CDC42EP4: variants seen among roughly 807,000 people sequenced by gnomAD.
The protein encoded by CDC42EP4 is CDC42 effector protein 4, also known as CDC42 effector protein (Rho GTPase binding) 4.
A neutral mutation model predicts 5.6 loss-of-function variants in CDC42EP4; 6 were observed. That is an observed-to-expected ratio of 1.07 (90% confidence interval 0.59 to 2.12). The LOEUF (loss-of-function observed/expected upper bound fraction) is 2.12. Among genes scored for constraint, CDC42EP4 ranks in the 30% most tolerant of loss-of-function variants. CDC42EP4 has a pLI of 0.00. For missense variants in CDC42EP4, 490 were observed against 508.6 expected (o/e 0.96, Z 0.35); for synonymous variants, 230 against 224.2 (o/e 1.03, Z -0.23).
At chr17:73,297,739 A>G (rs746852124) in intron 1 of CDC42EP4, among the ~76,000 whole-genome samples, 5 of 151,492 alleles carry the variant, frequency 3.3e-5, no homozygotes, top group Non-Finnish European at 7.4e-5. Flanking sequence ...GCTCACTGCA[A>G]CCTCCAACTC....
chr17:73,291,228 C>T (rs1392136783), intron 1 of CDC42EP4, among the ~76,000 whole-genome samples: 2 of 152,166 alleles, frequency 1.3e-5, no homozygotes, highest in Non-Finnish European at 2.9e-5. Flanking sequence ...AGAAAGCCAT[C>T]TTCAATAACC....
In CDC42EP4 at chr17:73,285,606, T is replaced by C. The variant is rs773760103; in HGVS notation, c.895A>G (p.Met299Val). The stretch of plus-strand genomic sequence containing the variant: ...CTGTCCCGTGTGGTGTGGCTGCCCA[T>C]GCTGCGGGCTGAGCCGGGGCTGGGG... ...AAPSPGSARS[M>V]GSHTTRDSSS... Residue 299 changes from methionine to valine, a missense_variant, in exon 2 of 2, where the codon ATG (methionine) becomes GTG (valine). Transcript: ENST00000335793. The surrounding 1 kb of genome is among the most constrained non-coding windows in gnomAD (Gnocchi z 6.8). 12 of 1,608,028 alleles carry C rather than the reference T, an allele frequency of 7.5e-6. No homozygotes were observed. The highest frequency in any genetic ancestry group is 3.3e-4 in the Middle Eastern group (2 of 6,028).
In CDC42EP4 at chr17:73,285,666, G is replaced by A. The variant is rs1295645118; in HGVS notation, c.835C>T (p.His279Tyr). The change falls in exon 2 of 2, where the codon CAT becomes TAT. Residue 279 changes from histidine (H) to tyrosine (Y), a missense_variant. His to Tyr is a moderately conservative substitution (Grantham distance 83, BLOSUM62 2). Coordinates refer to ENST00000335793, the MANE Select transcript of CDC42EP4 (RefSeq NM_012121.5). This position sits in a 1 kb window ranked among gnomAD's most constrained non-coding sequence, Gnocchi z 6.8. Reference protein sequence around the residue: ...AGPDLPSLPSHALEDEGWAAA... With the variant: ...AGPDLPSLPSYALEDEGWAAA... ...GCCCACCCCTCATCCTCCAGAGCAT[G>A]GGAGGGGAGGGAGGGCAAGTCTGGG... The A allele has an allele frequency of 6.3e-7, 1 of 1,578,596 alleles. No individual in the cohort carries two copies. The highest frequency in any genetic ancestry group is 1.3e-5 in the African/African-American group (1 of 74,508).
rs1443472125 is a variant in CDC42EP4 at position 73,283,994 on chromosome 17, C to A, written c.*1436G>T. 6.6e-6 allele frequency: 1 copy of A among 152,238 alleles called. No individual in the cohort carries two copies. The highest frequency in any genetic ancestry group is 1.9e-4 in the East Asian group (1 of 5,192). 9.4% of individuals were successfully genotyped at this position (152,238 alleles called of 1,614,324 possible). On this transcript the variant is annotated 3_prime_UTR_variant, in exon 2 of 2. Transcript: ENST00000335793. Reference sequence around the variant, plus strand: ...GGCTGTTCCCAGGACAGAAAAATAACCGGCAGTCAACCTCAGGGCTCATAC... The same window carrying A: ...GGCTGTTCCCAGGACAGAAAAATAAACGGCAGTCAACCTCAGGGCTCATAC...
At chr17:73,299,370 C>T (rs1254901245) in intron 1 of CDC42EP4, among the ~76,000 whole-genome samples, 4 of 103,320 alleles carry the variant, frequency 3.9e-5, no homozygotes, top group Non-Finnish European at 5.9e-5. Context: ...GCGGAGCTTG[C>T]AGTGAGCCGA....
intron 1 of CDC42EP4, among the ~76,000 whole-genome samples, chr17:73,291,100 G>A (rs1471472728): frequency 1.3e-5 from 2 of 152,150 alleles, no homozygotes; most frequent in African/African-American, 2.4e-5. Context: ...CTAGCCCTGG[G>A]GTCCCCAGGA....
intron 1 of CDC42EP4, among the ~76,000 whole-genome samples, chr17:73,289,483 C>A (rs2062149843): frequency 6.6e-6 from 1 of 152,018 alleles, no homozygotes; most frequent in Non-Finnish European, 1.5e-5. Context: ...TGCCCCCCAC[C>A]CCAACACTTG....
intron 1 of CDC42EP4, among the ~76,000 whole-genome samples, chr17:73,289,574 AAC>A (rs1303269816): frequency 1.4e-5 from 2 of 139,206 alleles, no homozygotes; most frequent in African/African-American, 2.5e-5. Flanking sequence ...AAAGAAAAAA[AAC>A]CACCAAAAAG....
At chr17:73,297,594 T>C (rs56141438) in intron 1 of CDC42EP4, among the ~76,000 whole-genome samples, 50,889 of 152,116 alleles carry the variant, frequency 0.33, 8,795 homozygotes, top group Middle Eastern at 0.4. Context: ...AAAGGGCACA[T>C]GGAGAAATTA....
chr17:73,285,351 G>T lies in CDC42EP4; in HGVS notation c.*79C>A. On this transcript the variant is annotated 3_prime_UTR_variant, in exon 2 of 2. Coordinates refer to ENST00000335793, the MANE Select transcript of CDC42EP4 (RefSeq NM_012121.5). This position sits in a 1 kb window ranked among gnomAD's most constrained non-coding sequence, Gnocchi z 6.8. ...CAAGGGTCCTGGCTGCCCCTGCGCC[G>T]TAGGGTCAAAGGTCATAGTGGGGTG... 1.7e-6 allele frequency: 2 copies of T among 1,198,504 alleles called. No homozygotes were observed. The highest frequency in any genetic ancestry group is 2.4e-6 in the Non-Finnish European group (2 of 850,424). The allele number at this position is 1,198,504 out of a possible 1,614,324, so 74.2% of individuals were successfully genotyped here. A position where few individuals can be genotyped will look rare whatever the true frequency, so the allele number is the denominator to read the frequency against.
At chr17:73,300,607 G>A (rs1219243549) in intron 1 of CDC42EP4, among the ~76,000 whole-genome samples, 1 of 152,192 alleles carries the variant, frequency 6.6e-6, no homozygotes, top group East Asian at 1.9e-4. Flanking sequence ...AACCCAGTGA[G>A]GGATGAGAAG....
chr17:73,286,646 G>A lies in CDC42EP4; in HGVS notation c.-112-34C>T, dbSNP rs1049204410. 1.6e-6 allele frequency: 1 copy of A among 635,482 alleles called. No individual in the cohort carries two copies. 39.4% of individuals were successfully genotyped at this position (635,482 alleles called of 1,614,324 possible). On this transcript the variant is annotated intron_variant, in intron 1 of 1. Coordinates refer to ENST00000335793, the MANE Select transcript of CDC42EP4 (RefSeq NM_012121.5). The surrounding 1 kb of genome is among the most constrained non-coding windows in gnomAD (Gnocchi z 7.7). Reference sequence around the variant, plus strand: ...AGAGAATGAGAGGCAAAGGATTAACGCGGGCTGGCCACACGGCACAAAAGC... The same window carrying A: ...AGAGAATGAGAGGCAAAGGATTAACACGGGCTGGCCACACGGCACAAAAGC...
intron 1 of CDC42EP4, among the ~76,000 whole-genome samples, chr17:73,289,802 AAAAG>A (rs1257827173): frequency 1.5e-5 from 2 of 129,706 alleles, no homozygotes; most frequent in African/African-American, 2.7e-5. Context: ...AGGAAAGAAA[AAAAG>A]AAAGAGAGAA....
chr17:73,284,664 T>C lies in CDC42EP4; in HGVS notation c.*766A>G, dbSNP rs981743868. On this transcript the variant is annotated 3_prime_UTR_variant, in exon 2 of 2. Coordinates refer to ENST00000335793, the MANE Select transcript of CDC42EP4 (RefSeq NM_012121.5). ...AGACCTATTAACACCATCCTGATAT[T>C]GCTCTATAAGGATTTAAACACAATA... 4.6e-5 allele frequency: 7 copies of C among 152,338 alleles called. No individual in the cohort carries two copies. In the East Asian group the frequency reaches 1.3e-3, roughly 29 times the overall value. 9.4% of individuals were successfully genotyped at this position (152,338 alleles called of 1,614,324 possible).
At chr17:73,305,100 C>G (rs1415735504) in intron 1 of CDC42EP4, among the ~76,000 whole-genome samples, 4 of 152,186 alleles carry the variant, frequency 2.6e-5, no homozygotes. Context: ...GAAAAAGGAG[C>G]CAAGACTAGG....
intron 1 of CDC42EP4, among the ~76,000 whole-genome samples, chr17:73,304,809 C>T (rs1217739906): frequency 7.2e-5 from 11 of 152,148 alleles, no homozygotes. Context: ...GTCTGAGCAC[C>T]TCATTCCCCA....
At chr17:73,290,621 G>C (rs1166174995) in intron 1 of CDC42EP4, among the ~76,000 whole-genome samples, 1 of 152,208 alleles carries the variant, frequency 6.6e-6, no homozygotes, top group Non-Finnish European at 1.5e-5. Context: ...AACTGCCCCA[G>C]TTGAGAAACA....
At chr17:73,299,579 C>T (rs1054902793) in intron 1 of CDC42EP4, among the ~76,000 whole-genome samples, 1 of 152,100 alleles carries the variant, frequency 6.6e-6, no homozygotes, top group Admixed American at 6.6e-5. Context: ...TGTGGGATTA[C>T]AAGCACGAAC....
rs1463769480 is a variant in CDC42EP4, at chr17:73,284,496, G to C, written c.*934C>G. On this transcript the variant is annotated 3_prime_UTR_variant, in exon 2 of 2. Transcript: ENST00000335793. ...AATAAAGTTGGGAAGCACTAAAGTT[G>C]AGCTGGTGTCTTTGCCACGGATGTC... The C allele has an allele frequency of 6.6e-6, 1 of 152,124 alleles. No individual in the cohort carries two copies. The highest frequency in any genetic ancestry group is 2.4e-5 in the African/African-American group (1 of 41,424). The allele number at this position is 152,124 out of a possible 1,614,324, so 9.4% of individuals were successfully genotyped here.
Sources: allele counts gnomAD v4.1 joint callset (sites outside exome capture counted in the v4.1 genomes callset), GRCh38; gene constraint gnomAD v4.1.1; non-coding constraint Gnocchi (gnomAD v3.1); transcripts MANE v1.5; gene names NCBI Gene and HGNC (gene_info 2026-07-23, HGNC 2026-07-21).